RLN2: variants seen among roughly 807,000 people sequenced by gnomAD.
RLN2 encodes the protein prorelaxin H2.
In RLN2, 10 loss-of-function variants were observed where a neutral mutation model predicts 7.3. The ratio of observed to expected loss-of-function variants is 1.36; its 90% CI spans 0.84 to 2.31. The LOEUF (loss-of-function observed/expected upper bound fraction) is 2.31, where lower values mean the gene tolerates loss of function less well. Ranked by LOEUF, RLN2 falls within the 30% of genes most tolerant of loss-of-function variation. RLN2 has a pLI of 0.00. For synonymous variants in RLN2, 103 were observed against 82.3 expected (o/e 1.25, Z -1.36); for missense variants, 298 against 217.6 (o/e 1.37, Z -2.32).
At chr9:5,306,102 G>GGTTTTTTTTTTTTTT (rs1554618110), upstream of RLN2, among the ~76,000 whole-genome samples, 3 of 123,458 alleles carry the variant, frequency 2.4e-5, no homozygotes, top group East Asian at 2.4e-4. Flanking sequence ...CTTTGTTTTT[G>GGTTTTTTTTTTTTTT]TTTTTTGTTT....
the RLN2 span, among the ~76,000 whole-genome samples, chr9:5,326,581 G>C: frequency 2.0e-5 from 3 of 152,040 alleles, no homozygotes; most frequent in Non-Finnish European, 2.9e-5. Context: ...AGGAAGAGCA[G>C]GGTATGGAGG....
chr9:5,321,962 CCTTTT>C, the RLN2 span, among the ~76,000 whole-genome samples: 1 of 151,986 alleles, frequency 6.6e-6, no homozygotes, highest in South Asian at 2.1e-4. Context: ...CTCCTTATTT[CCTTTT>C]ATTTCAAAAC....
the RLN2 span, among the ~76,000 whole-genome samples, chr9:5,323,759 A>C: frequency 6.6e-6 from 1 of 152,028 alleles, no homozygotes; most frequent in East Asian, 1.9e-4. Flanking sequence ...GAATTAAAAT[A>C]CACAGGCCAG....
chr9:5,325,750 C>A, the RLN2 span, among the ~76,000 whole-genome samples: 1 of 151,954 alleles, frequency 6.6e-6, no homozygotes, highest in Non-Finnish European at 1.5e-5. Flanking sequence ...TATTCACAAG[C>A]CAATATCATC....
chr9:5,331,274 G>A, the RLN2 span, among the ~76,000 whole-genome samples: 2 of 151,894 alleles, frequency 1.3e-5, no homozygotes, highest in African/African-American at 4.8e-5. Context: ...CTGAAAGCCT[G>A]GTAGAGACAC....
chr9:5,314,240 C>T, the RLN2 span, among the ~76,000 whole-genome samples: 4 of 152,182 alleles, frequency 2.6e-5, no homozygotes, highest in African/African-American at 9.6e-5. Context: ...TTCCATCCCA[C>T]CAGCTTTGTT....
the RLN2 span, among the ~76,000 whole-genome samples, chr9:5,328,616 C>T: frequency 6.6e-6 from 1 of 151,924 alleles, no homozygotes; most frequent in East Asian, 1.9e-4. Flanking sequence ...TTGTCAGATT[C>T]ACCAAGGTTG....
the RLN2 span, among the ~76,000 whole-genome samples, chr9:5,310,585 T>C: frequency 6.6e-6 from 1 of 152,042 alleles, no homozygotes; most frequent in Non-Finnish European, 1.5e-5. Context: ...GAACCTTTAA[T>C]ATTATTACCT....
the RLN2 span, among the ~76,000 whole-genome samples, chr9:5,322,691 T>TG: frequency 6.6e-6 from 1 of 151,776 alleles, no homozygotes; most frequent in African/African-American, 2.4e-5. Flanking sequence ...CAATAGAATA[T>TG]GGGGGTATAA....
In RLN2 at chr9:5,300,528, C is replaced by CA. The variant is rs1370835506; in HGVS notation, c.212-85dup. Reference sequence around the variant, plus strand: ...GAAAAACTATGAATGTTTGCATAGACAAAAAAGCATTGCCTCAGTATAAAT... The same window carrying CA: ...GAAAAACTATGAATGTTTGCATAGACAAAAAAAGCATTGCCTCAGTATAAAT... On this transcript the variant is annotated intron_variant, in intron 1 of 1. Coordinates refer to ENST00000381627, the MANE Select transcript of RLN2 (RefSeq NM_134441.3). 9 of 874,348 alleles carry CA rather than the reference C, an allele frequency of 1.0e-5. No homozygotes were observed. The Admixed American group carries it at 1.1e-4, about 11-fold the overall frequency. 54.2% of individuals were successfully genotyped at this position (874,348 alleles called of 1,614,324 possible).
intron 1 of RLN2, among the ~76,000 whole-genome samples, chr9:5,300,840 T>C (rs1816108301): frequency 1.3e-5 from 2 of 152,242 alleles, no homozygotes; most frequent in Admixed American, 6.5e-5. Flanking sequence ...CTTCCATTGC[T>C]ATGATTTATG....
chr9:5,312,783 A>G, the RLN2 span, among the ~76,000 whole-genome samples: 2 of 150,712 alleles, frequency 1.3e-5, no homozygotes, highest in Non-Finnish European at 3.0e-5. Flanking sequence ...TTCTATTTTC[A>G]TTTGTCTAAA....
the RLN2 span, among the ~76,000 whole-genome samples, chr9:5,311,872 T>C: frequency 6.6e-6 from 1 of 151,738 alleles, no homozygotes; most frequent in African/African-American, 2.4e-5. Context: ...CATGTGCACA[T>C]TGTGCAGGTT....
upstream of RLN2, chr9:5,304,769 T>G (rs1244700681): frequency 8.1e-6 from 5 of 614,808 alleles, no homozygotes; most frequent in Non-Finnish European, 1.5e-5. Flanking sequence ...GCTCCACCCC[T>G]TTCCCACACC....
the RLN2 span, among the ~76,000 whole-genome samples, chr9:5,337,064 C>T: frequency 1.3e-5 from 2 of 152,076 alleles, no homozygotes; most frequent in Non-Finnish European, 2.9e-5. Flanking sequence ...CGCTCATCCA[C>T]ATTCTAAACT....
chr9:5,326,400 G>C, the RLN2 span, among the ~76,000 whole-genome samples: 1 of 152,056 alleles, frequency 6.6e-6, no homozygotes, highest in African/African-American at 2.4e-5. Flanking sequence ...AGGATCTGTG[G>C]CTTAGGAACC....
chr9:5,300,468 G>A (rs1816094978), intron 1 of RLN2, 24 bp from the exon 2 acceptor site: 4 of 1,484,194 alleles, frequency 2.7e-6, no homozygotes, highest in Admixed American at 3.9e-5. Context: ...AAAAAAAGGT[G>A]TATGTGAGGG....
chr9:5,330,637 CAAAAAA>C, the RLN2 span, among the ~76,000 whole-genome samples: 24 of 74,744 alleles, frequency 3.2e-4, no homozygotes, highest in South Asian at 5.1e-4. Context: ...GACTCCATCT[CAAAAAA>C]AAAAAAAAAA....
chr9:5,319,472 A>G, the RLN2 span, among the ~76,000 whole-genome samples: 4 of 151,974 alleles, frequency 2.6e-5, no homozygotes, highest in Non-Finnish European at 5.9e-5. Context: ...CTTTTCATTT[A>G]GGAAAAAGTT....
Sources: gnomAD v4.1 joint callset for allele counts (sites outside exome capture counted in the v4.1 genomes callset) on GRCh38, gnomAD v4.1.1 for gene constraint, MANE v1.5 for transcripts, NCBI Gene and HGNC (gene_info 2026-07-23, HGNC 2026-07-21) for gene names.